BORCS8: variants seen among roughly 807,000 people sequenced by gnomAD.
BORCS8 encodes the protein BLOC-1 related complex subunit 8.
BORCS8 carries 13 observed loss-of-function variants against 18.7 expected under a neutral mutation model. The ratio of observed to expected loss-of-function variants is 0.70; its 90% CI spans 0.45 to 1.11. BORCS8 has a LOEUF of 1.11. Ranked by LOEUF, BORCS8 falls within the 50% of genes least tolerant of loss-of-function variation. The pLI, the probability that BORCS8 is intolerant of heterozygous loss-of-function variation, is 0.00. For missense variants in BORCS8, 165 were observed against 165.7 expected (o/e 1.00, Z 0.02); for synonymous variants, 68 against 64.8 (o/e 1.05, Z -0.24).
At chr19:19,189,908 C>T (rs2060448972) in intron 1 of BORCS8, among the ~76,000 whole-genome samples, 1 of 148,668 alleles carries the variant, frequency 6.7e-6, no homozygotes, top group Admixed American at 6.8e-5. Context: ...AAGAGTGAGA[C>T]TCTGTCCCAA....
intron 2 of BORCS8, 100 bp downstream of exon 2, chr19:19,186,793 G>A (rs1472515407): frequency 5.4e-6 from 4 of 739,404 alleles, no homozygotes; most frequent in Admixed American, 3.0e-5. Context: ...TGTCCACCAC[G>A]CCTCTGACCT....
chr19:19,179,733 G>A (rs1033486432), intron 5 of BORCS8: 3 of 152,808 alleles, frequency 2.0e-5, no homozygotes, highest in African/African-American at 4.8e-5. Context: ...CTCTAAGCGT[G>A]GTCAGCCACA....
At position 19,186,654 on chromosome 19, in the gene BORCS8, C is replaced by A. The variant is rs557230674; in HGVS notation, c.150+239G>T. On this transcript the variant is annotated intron_variant, in intron 2 of 5. Coordinates refer to ENST00000462790, the MANE Select transcript of BORCS8 (RefSeq NM_001145784.2). ...GATTCTAAGTTTCCTGAGGCCTCCC[C>A]AGCCCTGTTGAACTGTGAGTCAATT... is the stretch of plus-strand genomic sequence containing the variant. Among the ~76,000 whole-genome samples the A allele has an allele frequency of 6.6e-5, 10 of 152,370 alleles. No individual in the cohort carries two copies. The East Asian group carries it at 1.7e-3, about 26-fold the overall frequency.
chr19:19,181,996 C>G, intron 4 of BORCS8: 3 of 985,462 alleles, frequency 3.0e-6, no homozygotes, highest in Non-Finnish European at 3.6e-6. Context: ...TTTCAGACCC[C>G]TGGTCCTGGG....
rs990772126 is a variant in BORCS8 at position 19,186,110 on chromosome 19, G to A, written c.151-12C>T. 2.8e-5 allele frequency: 44 copies of A among 1,551,218 alleles called. No individual in the cohort carries two copies. Among genetic ancestry groups the A allele is most frequent in the Admixed American group, 2.0e-4 (10 of 50,980 alleles). On this transcript the variant is annotated splice_polypyrimidine_tract_variant and intron_variant, in intron 2 of 5. Transcript: ENST00000462790. The stretch of plus-strand genomic sequence containing the variant: ...CGCTGCATGTCTGCCTGTAGGGGGC[G>A]CAGGAGATATTTGGCAAGGGAGGCC...
At chr19:19,191,309 C>T (rs1471201194) in intron 1 of BORCS8, among the ~76,000 whole-genome samples, 1 of 149,758 alleles carries the variant, frequency 6.7e-6, no homozygotes, top group Non-Finnish European at 1.5e-5. Flanking sequence ...GGTGACAGAG[C>T]GAGACTCCGT....
intron 4 of BORCS8, among the ~76,000 whole-genome samples, chr19:19,181,229 G>A (rs1185913326): frequency 6.6e-6 from 1 of 151,594 alleles, no homozygotes; most frequent in Non-Finnish European, 1.5e-5. Flanking sequence ...GCTGGGCCCA[G>A]TGGGTCACAC....
At chr19:19,183,523 G>A (rs961635754) in intron 3 of BORCS8, among the ~76,000 whole-genome samples, 3 of 152,114 alleles carry the variant, frequency 2.0e-5, no homozygotes, top group Non-Finnish European at 4.4e-5. Flanking sequence ...TTTATCCATT[G>A]AGATGGCTGA....
At chr19:19,186,825 C>CT (rs1278981970) in intron 2 of BORCS8, 68 bp downstream of exon 2, 1 of 1,195,158 alleles carries the variant, frequency 8.4e-7, no homozygotes, top group South Asian at 1.5e-5. Flanking sequence ...CACATGCCTC[C>CT]TTGCTGGTGT....
At chr19:19,187,776 A>G (rs1411855329) in intron 1 of BORCS8, among the ~76,000 whole-genome samples, 1 of 151,792 alleles carries the variant, frequency 6.6e-6, no homozygotes, top group Non-Finnish European at 1.5e-5. Context: ...TGACCTCGTG[A>G]TCCGCTCACC....
At chr19:19,184,302 TTTC>T (rs1430847865) in intron 3 of BORCS8, among the ~76,000 whole-genome samples, 10 of 109,368 alleles carry the variant, frequency 9.1e-5, no homozygotes, top group South Asian at 3.1e-4. Flanking sequence ...TTTTTTTTCC[TTTC>T]TTTTTTTTTT....
Position 19,182,262 on chromosome 19 carries a change from G to T in BORCS8, c.326+311C>A. 2.0e-6 allele frequency: 1 copy of T among 498,970 alleles called. No homozygotes were observed. Among genetic ancestry groups the T allele is most frequent in the Non-Finnish European group, 2.9e-6 (1 of 346,470 alleles). 30.9% of individuals were successfully genotyped at this position (498,970 alleles called of 1,614,324 possible). On this transcript the variant is annotated intron_variant, in intron 4 of 5. Transcript: ENST00000462790. The surrounding 1 kb of genome is among the most constrained non-coding windows in gnomAD (Gnocchi z 4.1). ...GGGGCCCCGCAGTGTTCTTCACAGC[G>T]CATCTGACATGCTCTTGTCTGCCAT...
At chr19:19,186,328 T>G (rs369910774) in intron 2 of BORCS8, among the ~76,000 whole-genome samples, 2 of 152,218 alleles carry the variant, frequency 1.3e-5, no homozygotes, top group African/African-American at 2.4e-5. Flanking sequence ...TTCCCTTAGA[T>G]AGTCAGACGG....
At chr19:19,188,965 G>A (rs1599761229) in intron 1 of BORCS8, among the ~76,000 whole-genome samples, 1 of 152,174 alleles carries the variant, frequency 6.6e-6, no homozygotes, top group East Asian at 1.9e-4. Context: ...CTCCCGAGTA[G>A]CTGGGATTAC....
intron 3 of BORCS8, among the ~76,000 whole-genome samples, chr19:19,184,474 T>G (rs950880523): frequency 6.6e-6 from 1 of 151,898 alleles, no homozygotes; most frequent in Admixed American, 6.6e-5. Flanking sequence ...GCTAATTTTT[T>G]TGTATTTTTA....
chr19:19,181,020 C>T, intron 4 of BORCS8, among the ~76,000 whole-genome samples: 1 of 151,800 alleles, frequency 6.6e-6, no homozygotes, highest in East Asian at 1.9e-4. Context: ...CATGGCGAAA[C>T]CCCGTCTCTA....
At chr19:19,181,293 G>T (rs956943633) in intron 4 of BORCS8, among the ~76,000 whole-genome samples, 5 of 150,446 alleles carry the variant, frequency 3.3e-5, no homozygotes, top group Non-Finnish European at 7.4e-5. Flanking sequence ...TGAGCCCAGG[G>T]GTTTGAGACC....
At chr19:19,181,426 C>G (rs971104477) in intron 4 of BORCS8, among the ~76,000 whole-genome samples, 2 of 152,190 alleles carry the variant, frequency 1.3e-5, no homozygotes, top group African/African-American at 4.8e-5. Context: ...CTGGGCACTT[C>G]AAACCCACAG....
At chr19:19,180,650 CAGAG>C (rs540327859) in intron 5 of BORCS8, 32 bp downstream of exon 5, 4 of 1,413,326 alleles carry the variant, frequency 2.8e-6, no homozygotes, top group Non-Finnish European at 3.9e-6. Context: ...TAGTTCAGAG[CAGAG>C]AGAGAGGCTC....
Sources: allele counts gnomAD v4.1 joint callset (sites outside exome capture counted in the v4.1 genomes callset), GRCh38; gene constraint gnomAD v4.1.1; non-coding constraint Gnocchi (gnomAD v3.1); transcripts MANE v1.5; gene names NCBI Gene and HGNC (gene_info 2026-07-23, HGNC 2026-07-21).